Variants in FAM153A observed in about 807,000 individuals in gnomAD.
FAM153A encodes the protein family with sequence similarity 153 member A.
FAM153A carries 12 observed loss-of-function variants against 48.1 expected under a neutral mutation model. The ratio of observed to expected loss-of-function variants is 0.25; its 90% confidence interval spans 0.16 to 0.40. The LOEUF is 0.40. Ranked by LOEUF, FAM153A falls within the 10% of genes least tolerant of loss-of-function variation. The pLI is 1.00. For missense variants in FAM153A, 111 were observed against 345.8 expected, an observed-to-expected ratio of 0.32 and a Z score of 5.38; for synonymous variants, 36 against 118.2, an observed-to-expected ratio of 0.30 and a Z score of 4.51.
chr5:177,739,069 A>G (rs1463805743), intron 10 of FAM153A, 44 bp downstream of exon 12: 2 of 1,607,540 alleles, frequency 1.2e-6, no homozygotes, highest in South Asian at 1.1e-5. Flanking sequence ...CTTTCTCAAC[A>G]CTAAGATTTT....
the FAM153A span, among the ~76,000 whole-genome samples, chr5:177,699,181 A>G: frequency 1.1e-3 from 162 of 151,812 alleles, no homozygotes; most frequent in Non-Finnish European, 2.1e-4. Context: ...CCTTATATCC[A>G]ATACTACTAC....
chr5:177,739,261 A>G (rs1466670753), intron 9 of FAM153A, 124 bp from the exon 12 acceptor site: 3 of 928,120 alleles, frequency 3.2e-6, no homozygotes, highest in Non-Finnish European at 5.0e-6. Flanking sequence ...AATGGCCACA[A>G]AAATAAAGCC....
In FAM153A at chr5:177,730,369, C is replaced by G. The variant is rs371110736; in HGVS notation, c.863-814G>C. ...GGATGCTATGTCTTGGGATTGGGTT[C>G]CACTGAACTTCTAAGACTTGCGGTG... On this transcript the variant is annotated intron_variant, in intron 16 of 20. Transcript: ENST00000614127. Among the ~76,000 whole-genome samples the G allele has an allele frequency of 6.6e-5, 8 of 122,014 alleles. 3 individuals carry two copies. In the East Asian group the frequency reaches 2.4e-3, roughly 36 times the overall value. 80.0% of individuals were successfully genotyped at this position (122,014 alleles called of 152,430 possible).
At chr5:177,739,702 G>T (rs1269096370) in intron 8 of FAM153A, 32 bp from the exon 11 acceptor site, 3 of 351,802 alleles carry the variant, frequency 8.5e-6, no homozygotes, top group Non-Finnish European at 9.0e-6. Flanking sequence ...TCACTGCATG[G>T]ATTCCGCTGA....
chr5:177,732,510 CTTTTTTT>C (rs1163859069), intron 14 of FAM153A, among the ~76,000 whole-genome samples: 2 of 72,232 alleles, frequency 2.8e-5, no homozygotes, highest in African/African-American at 1.1e-4. Context: ...CCAGAACTTG[CTTTTTTT>C]TTTTTTTTTT....
chr5:177,703,532 G>C (rs565806218), downstream of FAM153A, among the ~76,000 whole-genome samples: 84 of 149,278 alleles, frequency 5.6e-4, no homozygotes, highest in Non-Finnish European at 9.0e-4. Context: ...GGGGACTGTT[G>C]GGAAGGCATG....
At position 177,712,173 on chromosome 5, in the gene FAM153A, C is replaced by T. The variant is rs573712924; in HGVS notation, c.*2389G>A. On this transcript the variant is annotated 3_prime_UTR_variant and NMD_transcript_variant, in exon 27 of 27. Coordinates refer to the FAM153A transcript ENST00000360669. The stretch of plus-strand genomic sequence containing the variant: ...AGAAAATACACAAGAGACAAATCAG[C>T]AAATAAAAAGATTCTCAGCCAGTTG... 1.1e-4 allele frequency: 17 copies of T among 151,800 alleles called. No individual in the cohort carries two copies. The East Asian group carries it at 2.3e-3, about 21-fold the overall frequency. 9.4% of individuals were successfully genotyped at this position (151,800 alleles called of 1,614,324 possible).
In FAM153A at chr5:177,771,180, A is replaced by G. The variant is rs1275509505; in HGVS notation, c.-57+9269T>C. 3.6e-4 allele frequency among the ~76,000 whole-genome samples: 35 copies of G among 97,474 alleles called. 13 individuals carry two copies. Among genetic ancestry groups the G allele is most frequent in the Non-Finnish European group, 7.4e-4 (35 of 47,088 alleles). 63.9% of individuals were successfully genotyped at this position (97,474 alleles called of 152,430 possible). ...GAAAATATTGATAAAATGATTGAATATCTTATTTCATAACTCTAAACAGGG... is the reference window on the plus strand; with the variant it reads ...GAAAATATTGATAAAATGATTGAATGTCTTATTTCATAACTCTAAACAGGG... On this transcript the variant is annotated intron_variant, in intron 1 of 8. Coordinates refer to the FAM153A transcript ENST00000393518.
upstream of FAM153A, among the ~76,000 whole-genome samples, chr5:177,754,242 G>T (rs958119329): frequency 2.6e-5 from 4 of 152,008 alleles, no homozygotes; most frequent in African/African-American, 9.7e-5. Flanking sequence ...CTCATTGCTA[G>T]CACAGCAGTC....
At chr5:177,738,718 A>G (rs1037403008) in intron 10 of FAM153A, among the ~76,000 whole-genome samples, 7 of 151,252 alleles carry the variant, frequency 4.6e-5, no homozygotes, top group Admixed American at 6.6e-5. Flanking sequence ...TGGAGGATAA[A>G]TGGGCAGAGT....
Position 177,758,778 on chromosome 5 carries a change from G to C in FAM153A, c.-56-10079C>G, listed in dbSNP as rs1307609331. On this transcript the variant is annotated intron_variant, in intron 1 of 8. Transcript: ENST00000393518. ...TGGGAAAACTGGCTAGCCATATGTA[G>C]AAAGCTGAAACTAGATCCCTTCCTT... 8.8e-5 allele frequency among the ~76,000 whole-genome samples: 13 copies of C among 147,114 alleles called. 1 individual carries two copies. The highest frequency in any genetic ancestry group is 2.3e-4 in the South Asian group (1 of 4,358).
At chr5:177,771,214 C>G (rs1221668996) in intron 1 of FAM153A, among the ~76,000 whole-genome samples, 1 of 96,694 alleles carries the variant, frequency 1.0e-5, no homozygotes, top group Non-Finnish European at 2.1e-5. Flanking sequence ...GGATTTAGCA[C>G]GACATGAAAA....
intron 1 of FAM153A, among the ~76,000 whole-genome samples, chr5:177,760,028 A>G: frequency 6.7e-6 from 1 of 148,226 alleles, no homozygotes; most frequent in Non-Finnish European, 1.5e-5. Context: ...TTCAGGAATT[A>G]TCTAATTGAA....
At chr5:177,743,512 T>C (rs1444055720) in intron 6 of FAM153A, among the ~76,000 whole-genome samples, 9 of 122,212 alleles carry the variant, frequency 7.4e-5, no homozygotes, top group African/African-American at 2.9e-4. Flanking sequence ...TGGGCCCCAT[T>C]ATCTTATGGT....
chr5:177,709,807 G>T (rs1310860015), downstream of FAM153A, among the ~76,000 whole-genome samples: 1 of 122,570 alleles, frequency 8.2e-6, no homozygotes, highest in Non-Finnish European at 1.7e-5. Flanking sequence ...AAGGAGCTGG[G>T]ACTGCAGGCA....
the FAM153A span, among the ~76,000 whole-genome samples, chr5:177,697,055 T>C: frequency 2.0e-5 from 3 of 151,948 alleles, no homozygotes; most frequent in African/African-American, 7.3e-5. Context: ...TTAACAAGAT[T>C]GAGTTTTCCA....
intron 4 of FAM153A, among the ~76,000 whole-genome samples, chr5:177,746,463 C>T (rs952133089): frequency 6.7e-6 from 1 of 149,846 alleles, no homozygotes; most frequent in African/African-American, 2.5e-5. Context: ...CCAGCCAGAA[C>T]ATTTTGTACG....
intron 1 of FAM153A, among the ~76,000 whole-genome samples, chr5:177,759,408 C>A (rs1561949828): frequency 6.6e-6 from 1 of 151,744 alleles, no homozygotes; most frequent in East Asian, 1.9e-4. Context: ...GAGAGAGTGG[C>A]AATTCCTCAG....
At chr5:177,728,808 C>T (rs1213223413) in intron 18 of FAM153A, among the ~76,000 whole-genome samples, 323 of 143,910 alleles carry the variant, frequency 2.2e-3, no homozygotes, top group African/African-American at 5.6e-3. Context: ...CTCTGCTGAT[C>T]CGCCCGTCTC....
Sources: allele counts gnomAD v4.1 joint callset (sites outside exome capture counted in the v4.1 genomes callset), GRCh38; gene constraint gnomAD v4.1.1; transcripts MANE v1.5; gene names NCBI Gene and HGNC (gene_info 2026-07-23, HGNC 2026-07-21).